Variants in RPH3A observed in about 807,000 individuals in gnomAD.
RPH3A encodes rabphilin-3A.
A neutral mutation model predicts 102.2 loss-of-function variants in RPH3A; 48 were observed. That is an observed-to-expected ratio of 0.47 (90% CI 0.37 to 0.60). RPH3A has a LOEUF of 0.60. Among genes scored for constraint, RPH3A ranks in the 20% least tolerant of loss-of-function variants. RPH3A has a pLI of 0.00. For synonymous variants in RPH3A, 310 were observed against 324.3 expected (o/e 0.96, Z 0.47); for missense variants, 781 against 910.1 (o/e 0.86, Z 1.83).
intron 1 of RPH3A, among the ~76,000 whole-genome samples, chr12:112,737,347 T>G (rs1479175210): frequency 6.6e-6 from 1 of 152,028 alleles, no homozygotes; most frequent in Non-Finnish European, 1.5e-5. Context: ...ACTTGTAAAA[T>G]GGGGATAATA....
chr12:112,772,405 G>A (rs545086226), intron 1 of RPH3A, among the ~76,000 whole-genome samples: 2 of 152,214 alleles, frequency 1.3e-5, no homozygotes, highest in South Asian at 2.1e-4. Flanking sequence ...ACAAAATGCC[G>A]GGAGCAACCT....
At chr12:112,755,330 C>T (rs1298866049) in intron 1 of RPH3A, among the ~76,000 whole-genome samples, 1 of 150,552 alleles carries the variant, frequency 6.6e-6, no homozygotes, top group Non-Finnish European at 1.5e-5. Flanking sequence ...CACACACACA[C>T]ACACACACAT....
At chr12:112,632,699 C>T (rs2039815311) in intron 1 of RPH3A, among the ~76,000 whole-genome samples, 2 of 152,190 alleles carry the variant, frequency 1.3e-5, no homozygotes, top group Non-Finnish European at 2.9e-5. Context: ...TGTGGCCATG[C>T]CTGGAGACAA....
chr12:112,766,811 T>C (rs2040892858), intron 1 of RPH3A, among the ~76,000 whole-genome samples: 1 of 152,154 alleles, frequency 6.6e-6, no homozygotes, highest in East Asian at 1.9e-4. Flanking sequence ...CATTTGTTGC[T>C]CCTCCCTATG....
At chr12:112,748,215 G>A (rs11611074) in intron 1 of RPH3A, among the ~76,000 whole-genome samples, 15,981 of 152,212 alleles carry the variant, frequency 0.1, 923 homozygotes, top group Middle Eastern at 0.21. Flanking sequence ...TGTCTCTAGT[G>A]CCTGATGCAC....
At chr12:112,778,430 G>C (rs913653741) in intron 1 of RPH3A, among the ~76,000 whole-genome samples, 1 of 152,164 alleles carries the variant, frequency 6.6e-6, no homozygotes, top group Non-Finnish European at 1.5e-5. Context: ...TGACTTTGTA[G>C]TTCCAGAAGC....
rs369908119 is a variant in RPH3A, at chr12:112,597,145, A to G, written c.-140+21826A>G. Among the ~76,000 whole-genome samples the G allele has an allele frequency of 2.0e-5, 3 of 152,346 alleles. 1 individual carries two copies. The South Asian group carries it at 6.2e-4, about 32-fold the overall frequency. On this transcript the variant is annotated intron_variant, in intron 1 of 21. Coordinates refer to the RPH3A transcript ENST00000543106. Reference sequence around the variant, plus strand: ...TTGGAACTGTACACACCAAACTGACACAGTGGTTATTTTTGGGGAGGAGGA... The same window carrying G: ...TTGGAACTGTACACACCAAACTGACGCAGTGGTTATTTTTGGGGAGGAGGA...
intron 1 of RPH3A, among the ~76,000 whole-genome samples, chr12:112,634,826 CT>C (rs1359660238): frequency 2.0e-5 from 3 of 152,196 alleles, no homozygotes. Context: ...TCGTGGAACT[CT>C]AACACTTGCT....
chr12:112,795,971 A>G (rs950279588), intron 2 of RPH3A, among the ~76,000 whole-genome samples: 6 of 152,196 alleles, frequency 3.9e-5, no homozygotes, highest in Non-Finnish European at 7.4e-5. Context: ...TCTTTGGGCT[A>G]GTTGTGTAGC....
chr12:112,590,820 A>G (rs957370577), intron 1 of RPH3A, among the ~76,000 whole-genome samples: 1 of 152,238 alleles, frequency 6.6e-6, no homozygotes, highest in African/African-American at 2.4e-5. Context: ...AAAATTAGTT[A>G]ATTAAGAGAT....
chr12:112,852,502 C>A (rs1187525160), intron 5 of RPH3A, among the ~76,000 whole-genome samples: 1 of 152,212 alleles, frequency 6.6e-6, no homozygotes, highest in Non-Finnish European at 1.5e-5. Flanking sequence ...AAAAGGCCTA[C>A]TTCTCATCCC....
chr12:112,591,794 T>C lies in RPH3A; in HGVS notation c.-140+16475T>C, dbSNP rs369310737. Among the ~76,000 whole-genome samples, 23 of 152,336 alleles carry C rather than the reference T, an allele frequency of 1.5e-4. No individual in the cohort carries two copies. The South Asian group carries it at 4.8e-3, about 32-fold the overall frequency. On this transcript the variant is annotated intron_variant, in intron 1 of 21. Transcript: ENST00000543106. ...GCAGTCTGTGATGTATTGTCATTTA[T>C]TTCTTTTCATCTGTGGTTTTATGTT...
chr12:112,593,328 T>C (rs1205812685), intron 1 of RPH3A, among the ~76,000 whole-genome samples: 1 of 152,234 alleles, frequency 6.6e-6, no homozygotes, highest in Admixed American at 6.5e-5. Flanking sequence ...TAATTTATTA[T>C]AGCTGCCAGA....
At chr12:112,755,593 T>C (rs931281007) in intron 1 of RPH3A, among the ~76,000 whole-genome samples, 11 of 152,322 alleles carry the variant, frequency 7.2e-5, no homozygotes, top group Middle Eastern at 3.4e-3. Context: ...TTGAGCTCCA[T>C]GATCCCTCGT....
At chr12:112,815,718 C>A (rs1003104746) in intron 2 of RPH3A, among the ~76,000 whole-genome samples, 3 of 152,102 alleles carry the variant, frequency 2.0e-5, no homozygotes, top group Non-Finnish European at 4.4e-5. Context: ...CAGCCAGGGG[C>A]CATTAAGCTA....
chr12:112,637,391 T>A (rs1040777426), intron 1 of RPH3A, among the ~76,000 whole-genome samples: 21 of 152,206 alleles, frequency 1.4e-4, no homozygotes, highest in Admixed American at 8.5e-4. Flanking sequence ...CATTGTTTTT[T>A]AATTTTTTCT....
intron 1 of RPH3A, among the ~76,000 whole-genome samples, chr12:112,774,449 G>T (rs902935256): frequency 3.9e-5 from 6 of 152,204 alleles, no homozygotes; most frequent in African/African-American, 1.4e-4. Context: ...AGAGTCTGGA[G>T]AACTGGGTTC....
intron 5 of RPH3A, among the ~76,000 whole-genome samples, chr12:112,853,221 C>T (rs1458641556): frequency 6.6e-6 from 1 of 152,158 alleles, no homozygotes; most frequent in African/African-American, 2.4e-5. Context: ...TATGGCTTGA[C>T]AAGCCAACCA....
chr12:112,827,447 A>T (rs2041897379), intron 2 of RPH3A, among the ~76,000 whole-genome samples: 5 of 152,162 alleles, frequency 3.3e-5, no homozygotes, highest in Admixed American at 2.0e-4. Context: ...TGATCTTCTC[A>T]TCAGTTGGTG....
Sources: gnomAD v4.1 joint callset for allele counts (sites outside exome capture counted in the v4.1 genomes callset) on GRCh38, gnomAD v4.1.1 for gene constraint, MANE v1.5 for transcripts, NCBI Gene and HGNC (gene_info 2026-07-23, HGNC 2026-07-21) for gene names.